ZNF804B: variants seen among roughly 807,000 people sequenced by gnomAD.
ZNF804B encodes the protein zinc finger protein 804B, also known as zinc finger 804B.
ZNF804B carries 80 observed loss-of-function variants against 101.4 expected under a neutral mutation model. The ratio of observed to expected loss-of-function variants is 0.79; its 90% CI spans 0.66 to 0.95. The LOEUF (loss-of-function observed/expected upper bound fraction) is 0.95, where lower values mean the gene tolerates loss of function less well. Ranked by LOEUF, ZNF804B falls within the 40% of genes least tolerant of loss-of-function variation. The pLI is 0.00. For missense variants in ZNF804B, 1,673 were observed against 1,561.9 expected (o/e 1.07, Z -1.20); for synonymous variants, 622 against 558.8 (o/e 1.11, Z -1.59).
intron 1 of ZNF804B, among the ~76,000 whole-genome samples, chr7:88,951,741 T>C (rs1248332007): frequency 6.6e-6 from 1 of 151,814 alleles, no homozygotes; most frequent in Non-Finnish European, 1.5e-5. Flanking sequence ...CACTCACCAA[T>C]TGCACTGAAC....
chr7:88,945,765 G>C (rs1262548445), intron 1 of ZNF804B, among the ~76,000 whole-genome samples: 1 of 151,942 alleles, frequency 6.6e-6, no homozygotes, highest in African/African-American at 2.4e-5. Context: ...TCATTTCCTT[G>C]AGCAGTGGTT....
intron 1 of ZNF804B, among the ~76,000 whole-genome samples, chr7:89,162,658 A>G (rs947401609): frequency 4.1e-5 from 6 of 148,040 alleles, no homozygotes; most frequent in African/African-American, 1.5e-4. Context: ...TTCTTTTATT[A>G]TTATTATTAT....
intron 1 of ZNF804B, among the ~76,000 whole-genome samples, chr7:88,992,600 T>A (rs1793862190): frequency 6.6e-6 from 1 of 152,132 alleles, no homozygotes; most frequent in Non-Finnish European, 1.5e-5. Flanking sequence ...GACTTTTAAA[T>A]GGCTGGTGTG....
At chr7:89,288,978 C>T (rs1790246506) in intron 2 of ZNF804B, among the ~76,000 whole-genome samples, 2 of 152,040 alleles carry the variant, frequency 1.3e-5, no homozygotes, top group African/African-American at 4.8e-5. Flanking sequence ...AAGTTTCTTG[C>T]ATTGTTTTTA....
intron 1 of ZNF804B, among the ~76,000 whole-genome samples, chr7:88,762,891 C>G (rs746116391): frequency 6.6e-6 from 1 of 152,054 alleles, no homozygotes; most frequent in Non-Finnish European, 1.5e-5. Context: ...AAGTGTCTCT[C>G]CTATTACTTT....
chr7:89,248,372 T>C lies in ZNF804B; in HGVS notation c.249+30077T>C, dbSNP rs552460699. 2.7e-5 allele frequency among the ~76,000 whole-genome samples: 4 copies of C among 149,958 alleles called. No individual in the cohort carries two copies. The East Asian group carries it at 7.8e-4, about 29-fold the overall frequency. ...GTAGTTAGAGAAAAAGGTCAAATTA[T>C]GTACAAAGGGAACACTATCAGGCTA... On this transcript the variant is annotated intron_variant, in intron 2 of 3. Coordinates refer to ENST00000333190, the MANE Select transcript of ZNF804B (RefSeq NM_181646.5).
intron 2 of ZNF804B, among the ~76,000 whole-genome samples, chr7:89,274,697 A>G (rs910346025): frequency 6.6e-6 from 1 of 151,842 alleles, no homozygotes; most frequent in Non-Finnish European, 1.5e-5. Flanking sequence ...GCAGTCTAAT[A>G]TTATGAAAAA....
At chr7:88,981,988 C>T (rs911502879) in intron 1 of ZNF804B, among the ~76,000 whole-genome samples, 7 of 151,876 alleles carry the variant, frequency 4.6e-5, no homozygotes, top group African/African-American at 1.7e-4. Flanking sequence ...AAGGAGCTTT[C>T]TTATGTGGAT....
At chr7:89,164,403 T>C (rs1348826575) in intron 1 of ZNF804B, among the ~76,000 whole-genome samples, 2 of 152,076 alleles carry the variant, frequency 1.3e-5, no homozygotes, top group African/African-American at 4.8e-5. Flanking sequence ...GGAAAGTCAG[T>C]AAATAAACTT....
intron 2 of ZNF804B, among the ~76,000 whole-genome samples, chr7:89,257,726 T>C (rs1246957823): frequency 6.6e-6 from 1 of 152,162 alleles, no homozygotes; most frequent in East Asian, 1.9e-4. Flanking sequence ...GTAATGAGCA[T>C]AGTACCTAAT....
At chr7:88,934,954 T>C (rs1336311389) in intron 1 of ZNF804B, among the ~76,000 whole-genome samples, 3 of 151,762 alleles carry the variant, frequency 2.0e-5, no homozygotes, top group Non-Finnish European at 4.4e-5. Flanking sequence ...CAATTCATAA[T>C]TGCAAAGACA....
chr7:89,135,599 T>C (rs2116385627), intron 1 of ZNF804B, among the ~76,000 whole-genome samples: 1 of 149,724 alleles, frequency 6.7e-6, no homozygotes, highest in South Asian at 2.1e-4. Flanking sequence ...ATTAGATGTG[T>C]ACATACTCTT....
chr7:88,969,297 G>A (rs1286251935), intron 1 of ZNF804B, among the ~76,000 whole-genome samples: 1 of 151,574 alleles, frequency 6.6e-6, no homozygotes, highest in Non-Finnish European at 1.5e-5. Context: ...TGAATGACTT[G>A]ATGTTCAATT....
chr7:89,276,165 G>A (rs914933876), intron 2 of ZNF804B, among the ~76,000 whole-genome samples: 7 of 151,796 alleles, frequency 4.6e-5, no homozygotes, highest in Non-Finnish European at 7.4e-5. Flanking sequence ...ACTGTGGCCT[G>A]TGGCAAGGGT....
intron 1 of ZNF804B, among the ~76,000 whole-genome samples, chr7:88,865,800 T>C (rs1791718009): frequency 6.6e-6 from 1 of 152,188 alleles, no homozygotes; most frequent in African/African-American, 2.4e-5. Context: ...TTCTACTTTT[T>C]TATGTCTTTG....
intron 1 of ZNF804B, among the ~76,000 whole-genome samples, chr7:89,075,707 C>T (rs1302523120): frequency 6.6e-6 from 1 of 152,172 alleles, no homozygotes; most frequent in East Asian, 1.9e-4. Flanking sequence ...ATCCTCCAGA[C>T]CCCAGAATGG....
chr7:88,971,366 AAG>A (rs1324932801), intron 1 of ZNF804B, among the ~76,000 whole-genome samples: 8 of 151,684 alleles, frequency 5.3e-5, no homozygotes, highest in Admixed American at 4.6e-4. Context: ...AAAACTCAAT[AAG>A]ACAATTTTTG....
chr7:88,803,129 T>C (rs1790615285), intron 1 of ZNF804B, among the ~76,000 whole-genome samples: 1 of 152,138 alleles, frequency 6.6e-6, no homozygotes, highest in Non-Finnish European at 1.5e-5. Flanking sequence ...TTCCAATTTT[T>C]TCAAGTGTGT....
chr7:88,854,387 ATTTCTTTCTTTCTTTC>A (rs1214109627), intron 1 of ZNF804B, among the ~76,000 whole-genome samples: 9 of 109,268 alleles, frequency 8.2e-5, no homozygotes, highest in African/African-American at 3.4e-4. Flanking sequence ...TCTGTACTGC[ATTTCTTTCTTTCTTTC>A]TTTCTTTCTT....
Sources: gnomAD v4.1 joint callset for allele counts (sites outside exome capture counted in the v4.1 genomes callset) on GRCh38, gnomAD v4.1.1 for gene constraint, MANE v1.5 for transcripts, NCBI Gene and HGNC (gene_info 2026-07-23, HGNC 2026-07-21) for gene names.